The following PBRM1 variants were observed in gnomAD, a reference collection of about 807,000 sequenced individuals.
The protein encoded by PBRM1 is polybromo 1, also known as protein polybromo-1.
A neutral mutation model predicts 194.5 loss-of-function variants in PBRM1; 27 were observed. The observed-to-expected ratio is 0.14, with a 90% CI of 0.10 to 0.19. The LOEUF (loss-of-function observed/expected upper bound fraction) is 0.19. PBRM1 is among the 10% of genes least tolerant of loss of function. The pLI is 1.00. For missense variants in PBRM1, 1,466 were observed against 2,077.2 expected (o/e 0.71, Z 5.72); for synonymous variants, 655 against 693.2 (o/e 0.94, Z 0.87).
At chr3:52,632,635 T>C (rs1018659651) in intron 11 of PBRM1, among the ~76,000 whole-genome samples, 2 of 148,392 alleles carry the variant, frequency 1.3e-5, no homozygotes, top group Non-Finnish European at 3.0e-5. Context: ...AAGGTTACTA[T>C]CCCCCCCAAT....
intron 22 of PBRM1, among the ~76,000 whole-genome samples, chr3:52,573,683 C>T (rs912854270): frequency 1.3e-5 from 2 of 152,144 alleles, no homozygotes; most frequent in East Asian, 3.8e-4. Context: ...GCTCTAAGGG[C>T]CATTACTTCA....
intron 17 of PBRM1, among the ~76,000 whole-genome samples, chr3:52,591,040 T>C (rs2092978795): frequency 6.6e-6 from 1 of 152,214 alleles, no homozygotes. Context: ...TGACAATGCG[T>C]TCCTGATCTA....
chr3:52,671,554 G>GT (rs1262847106), intron 2 of PBRM1, among the ~76,000 whole-genome samples: 11 of 152,210 alleles, frequency 7.2e-5, no homozygotes, highest in African/African-American at 2.7e-4. Context: ...TCTTTTAGTA[G>GT]TTACAAGAAC....
intron 17 of PBRM1, among the ~76,000 whole-genome samples, chr3:52,596,330 CG>C (rs1560195501): frequency 6.6e-6 from 1 of 150,610 alleles, no homozygotes; most frequent in Non-Finnish European, 1.5e-5. Flanking sequence ...CCCAGCTACT[CG>C]GGGGGCTGAG....
intron 3 of PBRM1, among the ~76,000 whole-genome samples, chr3:52,665,446 G>A (rs1029315506): frequency 1.3e-5 from 2 of 151,882 alleles, no homozygotes; most frequent in African/African-American, 2.4e-5. Flanking sequence ...TTATAGGCAT[G>A]AGCCATCATG....
upstream of PBRM1, chr3:52,681,709 C>G: frequency 9.9e-7 from 1 of 1,015,170 alleles, no homozygotes; most frequent in Non-Finnish European, 1.2e-6. Context: ...TTTACCAGAG[C>G]ACAACCAGCG....
At chr3:52,671,409 A>C (rs748099824) in intron 2 of PBRM1, among the ~76,000 whole-genome samples, 41 of 152,240 alleles carry the variant, frequency 2.7e-4, no homozygotes, top group Non-Finnish European at 5.7e-4. Flanking sequence ...GCCAGCAAAA[A>C]GGAGGCAGCA....
chr3:52,569,648 C>T (rs2086422891), intron 22 of PBRM1, among the ~76,000 whole-genome samples: 1 of 152,200 alleles, frequency 6.6e-6, no homozygotes, highest in Non-Finnish European at 1.5e-5. Context: ...CCTACCTAGG[C>T]ATATGGTACT....
intron 14 of PBRM1, among the ~76,000 whole-genome samples, chr3:52,615,856 C>A (rs1356008499): frequency 6.6e-6 from 1 of 152,198 alleles, no homozygotes; most frequent in African/African-American, 2.4e-5. Flanking sequence ...AGTTGGAGAG[C>A]AATATCTCAA....
chr3:52,587,654 C>T (rs2092578588), intron 18 of PBRM1, 144 bp from the exon 21 acceptor site: 1 of 615,886 alleles, frequency 1.6e-6, no homozygotes, highest in Admixed American at 3.3e-5. Context: ...AAGTGGTCCT[C>T]CAACCTCAGC....
chr3:52,632,775 C>T (rs1419131277), intron 11 of PBRM1, among the ~76,000 whole-genome samples: 2 of 151,258 alleles, frequency 1.3e-5, no homozygotes, highest in East Asian at 1.9e-4. Flanking sequence ...TGCAATGCAA[C>T]CTCCACCTTC....
chr3:52,639,174 C>T (rs2095964233), intron 10 of PBRM1, among the ~76,000 whole-genome samples: 1 of 152,044 alleles, frequency 6.6e-6, no homozygotes. Flanking sequence ...GAAAGTTTCT[C>T]CATGTTGGCC....
chr3:52,565,082 C>CCCT (rs1331114509), intron 22 of PBRM1, among the ~76,000 whole-genome samples: 1 of 151,980 alleles, frequency 6.6e-6, no homozygotes, highest in African/African-American at 2.4e-5. Context: ...ACCTGTACTC[C>CCCT]CAGCTACTCA....
chr3:52,660,624 T>A (rs918417325), intron 4 of PBRM1, among the ~76,000 whole-genome samples: 4 of 152,100 alleles, frequency 2.6e-5, no homozygotes, highest in African/African-American at 9.7e-5. Context: ...GCGATTCTCC[T>A]GCCTCAGCCT....
At chr3:52,580,734 T>G (rs2090948041) in intron 20 of PBRM1, among the ~76,000 whole-genome samples, 1 of 152,196 alleles carries the variant, frequency 6.6e-6, no homozygotes, top group African/African-American at 2.4e-5. Flanking sequence ...GCAAATTATT[T>G]GACCTCTTAT....
chr3:52,679,775 C>T, upstream of PBRM1: 1 of 1,492,148 alleles, frequency 6.7e-7, no homozygotes, highest in African/African-American at 1.4e-5. Flanking sequence ...GACTCTGTCA[C>T]CAAGTCTTCA....
chr3:52,629,754 A>G (rs969837598), intron 11 of PBRM1, among the ~76,000 whole-genome samples: 3 of 152,222 alleles, frequency 2.0e-5, no homozygotes, highest in Non-Finnish European at 4.4e-5. Flanking sequence ...GTAACACTAT[A>G]TGGATTTAGA....
At chr3:52,623,454 C>T (rs545492262) in intron 13 of PBRM1, among the ~76,000 whole-genome samples, 2 of 152,360 alleles carry the variant, frequency 1.3e-5, no homozygotes, top group African/African-American at 4.8e-5. Context: ...CTTTCTTTTA[C>T]AAGGCTTGCT....
intron 17 of PBRM1, 105 bp from the exon 20 acceptor site, chr3:52,589,360 A>T (rs1436290889): frequency 5.0e-6 from 3 of 595,652 alleles, no homozygotes; most frequent in African/African-American, 1.9e-5. Context: ...CATTTAATAC[A>T]TTTAATTCCA....
Sources: allele counts gnomAD v4.1 joint callset (sites outside exome capture counted in the v4.1 genomes callset), GRCh38; gene constraint gnomAD v4.1.1; transcripts MANE v1.5; gene names NCBI Gene and HGNC (gene_info 2026-07-23, HGNC 2026-07-21).